Variants in ZNF804B observed in about 807,000 individuals in gnomAD.
The protein encoded by ZNF804B is zinc finger 804B.
Under a neutral mutation model 101.4 loss-of-function variants are expected in ZNF804B, and 80 were observed. The ratio of observed to expected loss-of-function variants is 0.79; its 90% confidence interval spans 0.66 to 0.95. The LOEUF (loss-of-function observed/expected upper bound fraction) is 0.95, where lower values mean the gene tolerates loss of function less well. Among genes scored for constraint, ZNF804B ranks in the 40% least tolerant of loss-of-function variants. The pLI, the probability that ZNF804B is intolerant of heterozygous loss-of-function variation, is 0.00. For synonymous variants in ZNF804B, 622 were observed against 558.8 expected (o/e 1.11, Z -1.59); for missense variants, 1,673 against 1,561.9 (o/e 1.07, Z -1.20).
chr7:88,812,690 A>G (rs1261485632), intron 1 of ZNF804B, among the ~76,000 whole-genome samples: 1 of 152,178 alleles, frequency 6.6e-6, no homozygotes, highest in Non-Finnish European at 1.5e-5. Flanking sequence ...ATGTACGTAT[A>G]TATACATATA....
intron 1 of ZNF804B, among the ~76,000 whole-genome samples, chr7:89,163,737 T>A (rs1284766273): frequency 1.3e-5 from 2 of 152,166 alleles, no homozygotes; most frequent in African/African-American, 4.8e-5. Context: ...TAGAGCAGTG[T>A]GTTGAACCTA....
At chr7:88,961,019 C>G (rs1793379453) in intron 1 of ZNF804B, among the ~76,000 whole-genome samples, 1 of 151,330 alleles carries the variant, frequency 6.6e-6, no homozygotes, top group African/African-American at 2.4e-5. Context: ...GTAGGAACTT[C>G]AGAGAGTTTT....
At chr7:89,206,129 G>A (rs1788710769) in intron 1 of ZNF804B, among the ~76,000 whole-genome samples, 1 of 152,212 alleles carries the variant, frequency 6.6e-6, no homozygotes, top group African/African-American at 2.4e-5. Flanking sequence ...TGGGACACAA[G>A]ACACCAAGTC....
At chr7:88,827,035 A>G (rs1447432546) in intron 1 of ZNF804B, among the ~76,000 whole-genome samples, 1 of 152,080 alleles carries the variant, frequency 6.6e-6, no homozygotes, top group Non-Finnish European at 1.5e-5. Flanking sequence ...TTGTGTAGAT[A>G]AATATTTTTC....
At chr7:88,954,372 G>A (rs912849515) in intron 1 of ZNF804B, among the ~76,000 whole-genome samples, 1 of 151,642 alleles carries the variant, frequency 6.6e-6, no homozygotes, top group Non-Finnish European at 1.5e-5. Context: ...GAGGGTAACC[G>A]AAAAATAAGG....
intron 1 of ZNF804B, among the ~76,000 whole-genome samples, chr7:89,210,373 CA>C (rs1327494261): frequency 6.6e-6 from 1 of 152,008 alleles, no homozygotes; most frequent in Non-Finnish European, 1.5e-5. Context: ...GGTACATGCG[CA>C]GGATGTGCAG....
intron 1 of ZNF804B, among the ~76,000 whole-genome samples, chr7:89,096,625 G>A (rs566082947): frequency 4.6e-5 from 7 of 152,100 alleles, no homozygotes; most frequent in Non-Finnish European, 7.4e-5. Context: ...CGATAATCCA[G>A]TTCAAAGTGA....
At chr7:89,178,071 A>T (rs1480822456) in intron 1 of ZNF804B, among the ~76,000 whole-genome samples, 1 of 151,840 alleles carries the variant, frequency 6.6e-6, no homozygotes, top group Non-Finnish European at 1.5e-5. Context: ...AATTTATTTT[A>T]TTTGCTATAA....
At chr7:89,298,713 A>G (rs1790431010) in intron 2 of ZNF804B, among the ~76,000 whole-genome samples, 1 of 151,858 alleles carries the variant, frequency 6.6e-6, no homozygotes. Flanking sequence ...ATTTTATTAT[A>G]TTTGGTGCAT....
intron 1 of ZNF804B, among the ~76,000 whole-genome samples, chr7:88,844,371 G>A (rs1431629362): frequency 6.6e-6 from 1 of 152,018 alleles, no homozygotes; most frequent in Non-Finnish European, 1.5e-5. Context: ...GGTCTCTTTA[G>A]CTTCTGCATC....
chr7:89,086,222 G>T (rs1789798249), intron 1 of ZNF804B, among the ~76,000 whole-genome samples: 1 of 151,940 alleles, frequency 6.6e-6, no homozygotes, highest in Non-Finnish European at 1.5e-5. Flanking sequence ...AAAAATATTT[G>T]TAAACCTTTT....
At chr7:89,254,789 G>T in intron 2 of ZNF804B, among the ~76,000 whole-genome samples, 1 of 151,766 alleles carries the variant, frequency 6.6e-6, no homozygotes, top group East Asian at 1.9e-4. Context: ...GGGATTACAG[G>T]CGCCCGCCAC....
chr7:89,012,589 A>G (rs1325480857), intron 1 of ZNF804B, among the ~76,000 whole-genome samples: 1 of 152,142 alleles, frequency 6.6e-6, no homozygotes, highest in Non-Finnish European at 1.5e-5. Context: ...TCCACTTCCC[A>G]AGAAGTTCCT....
intron 1 of ZNF804B, among the ~76,000 whole-genome samples, chr7:89,005,420 T>C (rs1275463707): frequency 6.6e-6 from 1 of 152,066 alleles, no homozygotes; most frequent in African/African-American, 2.4e-5. Context: ...TCAAAGGTTA[T>C]AGAACATTTT....
intron 1 of ZNF804B, among the ~76,000 whole-genome samples, chr7:89,192,753 A>G (rs1472544097): frequency 6.6e-6 from 1 of 152,082 alleles, no homozygotes; most frequent in Non-Finnish European, 1.5e-5. Context: ...AACATCCTCA[A>G]CAAAATACTA....
At chr7:88,934,615 C>T (rs1312377842) in intron 1 of ZNF804B, among the ~76,000 whole-genome samples, 1 of 151,748 alleles carries the variant, frequency 6.6e-6, no homozygotes, top group Non-Finnish European at 1.5e-5. Context: ...AAAGGATAAA[C>T]AACCAACAAA....
In ZNF804B at chr7:88,932,003, A is replaced by T. The variant is rs562889741; in HGVS notation, c.108+171919A>T. Among the ~76,000 whole-genome samples the T allele has an allele frequency of 2.6e-4, 26 of 98,354 alleles. 1 individual carries two copies. The South Asian group carries it at 8.2e-3, about 31-fold the overall frequency. 64.5% of individuals were successfully genotyped at this position (98,354 alleles called of 152,430 possible). ...CTAAGTTCTTGGCAGAGGCCTCTGT[A>T]AAAAAAAAAAGACATATTAACAAGA... On this transcript the variant is annotated intron_variant, in intron 1 of 3. Coordinates refer to ENST00000333190, the MANE Select transcript of ZNF804B (RefSeq NM_181646.5).
chr7:89,129,384 C>A (rs888366929), intron 1 of ZNF804B, among the ~76,000 whole-genome samples: 4 of 151,970 alleles, frequency 2.6e-5, no homozygotes, highest in Non-Finnish European at 5.9e-5. Flanking sequence ...TAAGAAATCT[C>A]ATTGATTTAC....
At chr7:89,057,418 T>G (rs1157462474) in intron 1 of ZNF804B, among the ~76,000 whole-genome samples, 2 of 151,990 alleles carry the variant, frequency 1.3e-5, no homozygotes, top group Non-Finnish European at 2.9e-5. Flanking sequence ...CCAAAAACAG[T>G]TTGCTCAGAC....
Sources: allele counts gnomAD v4.1 joint callset (sites outside exome capture counted in the v4.1 genomes callset), GRCh38; gene constraint gnomAD v4.1.1; transcripts MANE v1.5; gene names NCBI Gene and HGNC (gene_info 2026-07-23, HGNC 2026-07-21).